CYP2C8: variants seen among roughly 807,000 people sequenced by gnomAD.
CYP2C8 encodes the protein cytochrome P450 2C8.
CYP2C8 carries 51 observed loss-of-function variants against 41.3 expected under a neutral mutation model. That is an observed-to-expected ratio of 1.24 (90% CI 0.99 to 1.56). CYP2C8 has a LOEUF of 1.56. Ranked by LOEUF, CYP2C8 falls within the 40% of genes most tolerant of loss-of-function variation. CYP2C8 has a pLI of 0.00. For synonymous variants in CYP2C8, 218 were observed against 205.8 expected (o/e 1.06, Z -0.51); for missense variants, 651 against 579.9 (o/e 1.12, Z -1.26).
chr10:95,054,369 G>A (rs78367184), intron 5 of CYP2C8, among the ~76,000 whole-genome samples: 7,005 of 151,880 alleles, frequency 0.046, 171 homozygotes, highest in Middle Eastern at 0.1. Context: ...TACTTTTCCT[G>A]ATAAAATCAC....
At chr10:95,041,787 CAAAAAAAAAAAAAAA>C (rs60326519) in intron 7 of CYP2C8, among the ~76,000 whole-genome samples, 43 of 83,174 alleles carry the variant, frequency 5.2e-4, no homozygotes, top group Admixed American at 5.7e-4. Flanking sequence ...GACTCCGTCT[CAAAAAAAAAAAAAAA>C]AAAAAAAAAA....
chr10:95,042,842 T>C, intron 7 of CYP2C8, 48 bp downstream of exon 7: 6 of 1,537,676 alleles, frequency 3.9e-6, no homozygotes, highest in Non-Finnish European at 5.4e-6. Flanking sequence ...ACCAGCACTA[T>C]GGAAATTTCA....
chr10:95,058,688 C>A (rs1372728275), intron 4 of CYP2C8, among the ~76,000 whole-genome samples, 177 bp from the exon 5 acceptor site: 1 of 152,042 alleles, frequency 6.6e-6, no homozygotes, highest in Non-Finnish European at 1.5e-5. Context: ...TATATGTGCA[C>A]AAAGTGCAGG....
chr10:95,042,535 A>G (rs1413955871), intron 7 of CYP2C8, among the ~76,000 whole-genome samples: 1 of 152,226 alleles, frequency 6.6e-6, no homozygotes, highest in East Asian at 1.9e-4. Flanking sequence ...ATAAGTTGGG[A>G]GCATAACCAT....
chr10:95,061,321 C>A (rs1308425972), intron 4 of CYP2C8, among the ~76,000 whole-genome samples: 1 of 152,100 alleles, frequency 6.6e-6, no homozygotes, highest in Non-Finnish European at 1.5e-5. Flanking sequence ...ATTTCAGAGC[C>A]TGTTATTGGT....
intron 5 of CYP2C8, among the ~76,000 whole-genome samples, chr10:95,056,455 T>C (rs1329593506): frequency 6.6e-6 from 1 of 152,188 alleles, no homozygotes; most frequent in Non-Finnish European, 1.5e-5. Flanking sequence ...CAAATGTTCA[T>C]AGCAACATTA....
intron 3 of CYP2C8, among the ~76,000 whole-genome samples, chr10:95,066,119 T>TGAGAGAGAGAGAGAGAGA (rs144502351): frequency 6.2e-4 from 61 of 97,754 alleles, no homozygotes; most frequent in Non-Finnish European, 9.0e-4. Context: ...GAAGCCTTGG[T>TGAGAGAGAGAGAGAGAGA]GAGAGAGAGA....
At chr10:95,037,345 G>A (rs1042533369) in intron 8 of CYP2C8, 36 bp from the exon 9 acceptor site, 42 of 1,565,644 alleles carry the variant, frequency 2.7e-5, no homozygotes, top group Non-Finnish European at 3.2e-5. Context: ...GTTACTCCTT[G>A]TGTTTAACTG....
intron 1 of CYP2C8, among the ~76,000 whole-genome samples, chr10:95,068,850 G>A (rs1259502425): frequency 6.6e-6 from 1 of 152,136 alleles, no homozygotes; most frequent in Non-Finnish European, 1.5e-5. Flanking sequence ...CATGAGGTCA[G>A]GAGACTGAGA....
intron 6 of CYP2C8, among the ~76,000 whole-genome samples, chr10:95,044,426 G>A (rs974017950): frequency 4.6e-5 from 7 of 152,232 alleles, no homozygotes; most frequent in African/African-American, 2.4e-5. Context: ...TCCTGTGATG[G>A]ATGTTTTAAT....
intron 3 of CYP2C8, among the ~76,000 whole-genome samples, chr10:95,066,158 G>GAGAA (rs2033562796): frequency 1.4e-5 from 1 of 71,990 alleles, no homozygotes; most frequent in Non-Finnish European, 2.9e-5. Context: ...GAGAGAGTGT[G>GAGAA]TGTGTGTGTG....
At chr10:95,050,255 A>G (rs925194596) in intron 5 of CYP2C8, among the ~76,000 whole-genome samples, 6 of 152,102 alleles carry the variant, frequency 3.9e-5, no homozygotes, top group African/African-American at 1.4e-4. Context: ...CTGCAGTACA[A>G]TAGAACACCA....
rs1437702159 is a variant in CYP2C8 at position 95,064,809 on chromosome 10, T to C, written c.633A>G (p.Pro211=). 4 of 1,613,840 alleles carry C rather than the reference T, an allele frequency of 2.5e-6. No homozygotes were observed. The African/African-American group carries it at 5.3e-5, about 22-fold the overall frequency. ...AAAATCTTGGCCTTACCTGGATCCATGGGGAGTTCAGAATCCTGAAGTTTT... is the reference window on the plus strand; with the variant it reads ...AAAATCTTGGCCTTACCTGGATCCACGGGGAGTTCAGAATCCTGAAGTTTT... ...FNENFRILNS[P]WIQVCNNFPL... The change falls in exon 4 of 9, where the codon CCA becomes CCG. Residue 211 remains proline, a synonymous_variant. Coordinates refer to ENST00000371270, the MANE Select transcript of CYP2C8 (RefSeq NM_000770.3).
In CYP2C8 at chr10:95,064,954, G is replaced by A. The variant is rs778416827; in HGVS notation, c.488C>T (p.Pro163Leu). The change falls in exon 4 of 9, where the codon CCC becomes CTC. Residue 163 changes from proline to leucine, a missense_variant. By Grantham distance (98) the Pro-to-Leu change is moderately conservative. Coordinates refer to ENST00000371270, the MANE Select transcript of CYP2C8 (RefSeq NM_000770.3). ...VEELRKTKAS[P>L]CDPTFILGCA... ...GCCCAGGATGAAAGTGGGATCACAG[G>A]GTGAAGCTAAAGATTTAAAAATTTT... 3 of 1,528,138 alleles carry A rather than the reference G, an allele frequency of 2.0e-6. No homozygotes were observed. In the South Asian group the frequency reaches 4.3e-5, roughly 22 times the overall value. The allele number at this position is 1,528,138 out of a possible 1,614,324, so 94.7% of individuals were successfully genotyped here.
Position 95,066,143 on chromosome 10 carries a change from A to T in CYP2C8, c.481+1065T>A, listed in dbSNP as rs1357167278. On this transcript the variant is annotated intron_variant, in intron 3 of 8. Transcript: ENST00000371270. ...GTGAGAGAGAGAGAGAGAGAGAGAG[A>T]GAGAGAGAGAGTGTGTGTGTGTGTG... Among the ~76,000 whole-genome samples the T allele has an allele frequency of 6.7e-3, 755 of 112,688 alleles. 7 individuals carry two copies. The highest frequency in any genetic ancestry group is 0.028 in the African/African-American group (733 of 26,552). 73.9% of individuals were successfully genotyped at this position (112,688 alleles called of 152,430 possible).
intron 5 of CYP2C8, 120 bp from the exon 6 acceptor site, chr10:95,046,071 A>ATCTC: frequency 8.7e-7 from 1 of 1,152,292 alleles, no homozygotes; most frequent in Non-Finnish European, 1.2e-6. Context: ...ACAGTACAGT[A>ATCTC]TTAGAAAAAG....
chr10:95,066,153 A>AGAGAGTGTGTGT (rs1342809282), intron 3 of CYP2C8, among the ~76,000 whole-genome samples: 174 of 88,270 alleles, frequency 2.0e-3, no homozygotes, highest in African/African-American at 5.3e-3. Flanking sequence ...AGAGAGAGAG[A>AGAGAGTGTGTGT]GTGTGTGTGT....
chr10:95,052,353 A>G (rs1161850573), intron 5 of CYP2C8, among the ~76,000 whole-genome samples: 1 of 152,148 alleles, frequency 6.6e-6, no homozygotes, highest in East Asian at 1.9e-4. Flanking sequence ...AATGACTTCA[A>G]TGATGAATTC....
chr10:95,045,303 A>G (rs11572158), intron 6 of CYP2C8, among the ~76,000 whole-genome samples: 6,710 of 152,276 alleles, frequency 0.044, 467 homozygotes, highest in African/African-American at 0.15. Context: ...CTGCTTAAAT[A>G]GAAACACCTT....
Sources: gnomAD v4.1 joint callset for allele counts (sites outside exome capture counted in the v4.1 genomes callset) on GRCh38, gnomAD v4.1.1 for gene constraint, MANE v1.5 for transcripts, NCBI Gene and HGNC (gene_info 2026-07-23, HGNC 2026-07-21) for gene names.